HEXB: variants seen among roughly 807,000 people sequenced by gnomAD.
The protein encoded by HEXB is hexosaminidase subunit beta, also known as beta-hexosaminidase subunit beta.
A neutral mutation model predicts 71.2 loss-of-function variants in HEXB; 51 were observed. The observed-to-expected ratio is 0.72, with a 90% confidence interval of 0.57 to 0.90. HEXB has a LOEUF of 0.90. HEXB is among the 40% of genes least tolerant of loss of function. The probability of loss-of-function intolerance (pLI) is 0.00; values close to 1 mark genes in which losing one functional copy is unlikely to be tolerated. For synonymous variants in HEXB, 266 were observed against 249.3 expected (o/e 1.07, Z -0.63); for missense variants, 617 against 677.0 (o/e 0.91, Z 0.98).
At chr5:74,674,772 C>T (rs820841) in intron 1 of HEXB, among the ~76,000 whole-genome samples, 67,350 of 151,786 alleles carry the variant, frequency 0.44, 16,337 homozygotes, top group Non-Finnish European at 0.55. Context: ...ACATCTCTGT[C>T]AAGGCTTAAG....
chr5:74,673,243 C>T (rs778197549), intron 1 of HEXB, among the ~76,000 whole-genome samples: 23 of 152,214 alleles, frequency 1.5e-4, no homozygotes, highest in Admixed American at 1.0e-3. Flanking sequence ...AAGCCGTCTT[C>T]TTGCCCTTCT....
chr5:74,688,376 G>A (rs1197854194), intron 1 of HEXB, among the ~76,000 whole-genome samples: 1 of 148,194 alleles, frequency 6.7e-6, no homozygotes, highest in African/African-American at 2.5e-5. Flanking sequence ...CTGTCACCCA[G>A]GCTGGAGTGC....
At chr5:74,654,419 A>T (rs1283467790) in intron 1 of HEXB, among the ~76,000 whole-genome samples, 1 of 152,208 alleles carries the variant, frequency 6.6e-6, no homozygotes, top group Non-Finnish European at 1.5e-5. Context: ...AGATGGCTGT[A>T]ACCACAGAAT....
chr5:74,643,955 C>A (rs1747954433), intron 1 of HEXB, among the ~76,000 whole-genome samples: 1 of 152,170 alleles, frequency 6.6e-6, no homozygotes, highest in African/African-American at 2.4e-5. Context: ...GCTTTCCTTC[C>A]CCGAGTTATT....
chr5:74,711,419 G>A (rs1274589369), intron 6 of HEXB, among the ~76,000 whole-genome samples: 20 of 145,154 alleles, frequency 1.4e-4, no homozygotes, highest in South Asian at 4.5e-4. Flanking sequence ...GGCAACAAAA[G>A]CCAAAATTGA....
chr5:74,673,450 G>T (rs1748576655), intron 1 of HEXB, among the ~76,000 whole-genome samples: 1 of 152,174 alleles, frequency 6.6e-6, no homozygotes, highest in South Asian at 2.1e-4. Flanking sequence ...AGCTTTGCTT[G>T]CTTGTCTGCC....
In HEXB at chr5:74,685,479, C is replaced by T. The variant is rs771754401; in HGVS notation, c.219C>T (p.Ala73=). ...VKMTPNLLHL[A]PENFYISHSP... The stretch of plus-strand genomic sequence containing the variant: ...TGACCCCGAACCTGCTGCATCTCGC[C>T]CCGGAGAACTTCTACATCAGCCACA... Residue 73 remains alanine (A), a synonymous_variant, in exon 1 of 14, where the codon GCC becomes GCT. Transcript: ENST00000261416. 6.2e-7 allele frequency: 1 copy of T among 1,611,460 alleles called. No individual in the cohort carries two copies. The highest frequency in any genetic ancestry group is 1.7e-5 in the Admixed American group (1 of 59,860).
intron 13 of HEXB, 169 bp from the exon 14 acceptor site, chr5:74,720,949 A>G: frequency 2.6e-6 from 2 of 773,538 alleles, no homozygotes; most frequent in Non-Finnish European, 4.4e-6. Flanking sequence ...GGTGTAACTT[A>G]GAACTCCATC....
chr5:74,657,521 G>T (rs1405826916), intron 1 of HEXB, among the ~76,000 whole-genome samples: 1 of 152,130 alleles, frequency 6.6e-6, no homozygotes, highest in Non-Finnish European at 1.5e-5. Context: ...ACTTCACAAT[G>T]TCTGTTTATT....
Position 74,689,393 on chromosome 5 carries a change from C to T in HEXB, c.365C>T (p.Thr122Ile), listed in dbSNP as rs757112448. The change falls in exon 2 of 14, where the codon ACC becomes ATC. Residue 122 changes from threonine (T) to isoleucine (I), a missense_variant. Thr to Ile is a moderately conservative substitution (Grantham distance 89). Coordinates refer to ENST00000261416, the MANE Select transcript of HEXB (RefSeq NM_000521.4). ...GAACCTGCTGAATTCCAGGCTAAAA[C>T]CCAGGTTCAGCAACTTCTTGTCTCA... The part of the protein sequence containing the change: ...HHEPAEFQAK[T>I]QVQQLLVSIT... The T allele has an allele frequency of 6.2e-7, 1 of 1,612,882 alleles. No individual in the cohort carries two copies. The highest frequency in any genetic ancestry group is 2.2e-5 in the East Asian group (1 of 44,854).
At chr5:74,693,243 C>G (rs1282011777) in intron 2 of HEXB, among the ~76,000 whole-genome samples, 1 of 152,202 alleles carries the variant, frequency 6.6e-6, no homozygotes, top group African/African-American at 2.4e-5. Context: ...TTCAACTAAA[C>G]TCTTAGCTTA....
At chr5:74,711,095 C>A (rs1749529389) in intron 6 of HEXB, among the ~76,000 whole-genome samples, 1 of 150,698 alleles carries the variant, frequency 6.6e-6, no homozygotes, top group Non-Finnish European at 1.5e-5. Context: ...AGATATAGAT[C>A]AATGGAACAG....
intron 5 of HEXB, among the ~76,000 whole-genome samples, chr5:74,702,061 C>A (rs180800405): frequency 0.058 from 7,960 of 136,400 alleles, 498 homozygotes; most frequent in African/African-American, 0.16. Context: ...GACTATCTTT[C>A]CTTGTCTTTT....
At chr5:74,654,370 A>T (rs1748177872) in intron 1 of HEXB, among the ~76,000 whole-genome samples, 1 of 152,128 alleles carries the variant, frequency 6.6e-6, no homozygotes, top group African/African-American at 2.4e-5. Flanking sequence ...TGCAAAACAC[A>T]CTTGAGTCCA....
chr5:74,641,631 G>A lies in HEXB; in HGVS notation c.-377+1073G>A, dbSNP rs980486982. Among the ~76,000 whole-genome samples, 3 of 152,208 alleles carry A rather than the reference G, an allele frequency of 2.0e-5. No homozygotes were observed. Among genetic ancestry groups the A allele is most frequent in the African/African-American group, 7.2e-5 (3 of 41,450 alleles). On this transcript the variant is annotated intron_variant, in intron 1 of 13. Coordinates refer to the HEXB transcript ENST00000511181. This position sits in a 1 kb window ranked among gnomAD's most constrained non-coding sequence, Gnocchi z 4.1. ...TGGTGTTAGTTTGGAGTTCAGTAAAGAAATGGCCCAGCACACACACACGTT... is the reference window on the plus strand; with the variant it reads ...TGGTGTTAGTTTGGAGTTCAGTAAAAAAATGGCCCAGCACACACACACGTT...
At chr5:74,654,872 A>T (rs1748188138) in intron 1 of HEXB, among the ~76,000 whole-genome samples, 1 of 152,180 alleles carries the variant, frequency 6.6e-6, no homozygotes, top group Non-Finnish European at 1.5e-5. Context: ...AGAGGCCGGG[A>T]AGCAGGACAC....
intron 1 of HEXB, among the ~76,000 whole-genome samples, chr5:74,670,080 A>G (rs575504729): frequency 7.9e-5 from 12 of 152,312 alleles, no homozygotes; most frequent in Admixed American, 7.8e-4. Flanking sequence ...CTAGTCTTGC[A>G]TAAATCCATG....
At chr5:74,689,496 T>A in intron 2 of HEXB, 23 bp downstream of exon 2, 1 of 1,606,262 alleles carries the variant, frequency 6.2e-7, no homozygotes, top group Non-Finnish European at 8.5e-7. Flanking sequence ...GCAATGTGAG[T>A]GTATTATATC....
Position 74,718,875 on chromosome 5 carries a change from T to A in HEXB, c.1321T>A (p.Phe441Ile), listed in dbSNP as rs375861361. The part of the protein sequence containing the change: ...EELSRVTASG[F>I]PVILSAPWYL... The stretch of plus-strand genomic sequence containing the variant: ...ACTCAGTAGAGTCACAGCATCTGGC[T>A]TCCCTGTAATCCTTTCTGCTCCTTG... The change falls in exon 11 of 14, where the codon TTC becomes ATC. Residue 441 changes from phenylalanine (F) to isoleucine (I), a missense_variant. Physicochemically the swap from Phe to Ile is conservative, Grantham distance 21 (BLOSUM62 0). Coordinates refer to ENST00000261416, the MANE Select transcript of HEXB (RefSeq NM_000521.4). The A allele has an allele frequency of 1.9e-6, 3 of 1,613,952 alleles. No homozygotes were observed. The highest frequency in any genetic ancestry group is 2.5e-6 in the Non-Finnish European group (3 of 1,179,918).
Sources: allele counts gnomAD v4.1 joint callset (sites outside exome capture counted in the v4.1 genomes callset), GRCh38; gene constraint gnomAD v4.1.1; non-coding constraint Gnocchi (gnomAD v3.1); transcripts MANE v1.5; gene names NCBI Gene and HGNC (gene_info 2026-07-23, HGNC 2026-07-21).